Variants in KCND3 observed in about 807,000 individuals in gnomAD.
KCND3 encodes the protein potassium voltage-gated channel subfamily D member 3, also known as A-type voltage-gated potassium channel KCND3.
In KCND3, 9 loss-of-function variants were observed where a neutral mutation model predicts 51.1. The ratio of observed to expected loss-of-function variants is 0.18; its 90% CI spans 0.11 to 0.31. The LOEUF (loss-of-function observed/expected upper bound fraction) is 0.31. Ranked by LOEUF, KCND3 falls within the 10% of genes least tolerant of loss-of-function variation. KCND3 has a pLI of 1.00. For missense variants in KCND3, 526 were observed against 903.8 expected (o/e 0.58, Z 5.36); for synonymous variants, 349 against 368.0 (o/e 0.95, Z 0.59).
chr1:111,985,463 C>T (rs1675222603), intron 1 of KCND3, among the ~76,000 whole-genome samples: 1 of 152,188 alleles, frequency 6.6e-6, no homozygotes, highest in Non-Finnish European at 1.5e-5. Flanking sequence ...TAAGCTCTTT[C>T]GGGCAAAGGC....
chr1:111,923,778 G>A (rs762605600), intron 2 of KCND3, among the ~76,000 whole-genome samples: 3 of 152,176 alleles, frequency 2.0e-5, no homozygotes, highest in Non-Finnish European at 4.4e-5. Context: ...CAGGGGCTTC[G>A]TGCACAGGGT....
At chr1:111,863,354 G>A (rs1668417836) in intron 2 of KCND3, among the ~76,000 whole-genome samples, 2 of 151,250 alleles carry the variant, frequency 1.3e-5, no homozygotes, top group Non-Finnish European at 2.9e-5. Context: ...AACAGCTTAT[G>A]TTCTCGATGA....
intron 3 of KCND3, among the ~76,000 whole-genome samples, chr1:111,783,199 CAAAAAAAA>C (rs67241053): frequency 1.4e-5 from 1 of 72,338 alleles, no homozygotes; most frequent in African/African-American, 4.4e-5. Flanking sequence ...AATTCAAAGA[CAAAAAAAA>C]AAAAAAAAAA....
Position 111,928,607 on chromosome 1 carries a change from C to T in KCND3, c.1106+53014G>A, listed in dbSNP as rs540983631. ...TTAAGATGAACTTTCACTCTCTGGG[C>T]ACAACACACAAGCAGGGAGCCCCAA... On this transcript the variant is annotated intron_variant, in intron 2 of 7. Coordinates refer to ENST00000302127, the MANE Select transcript of KCND3 (RefSeq NM_001378969.1). Among the ~76,000 whole-genome samples, 13 of 152,298 alleles carry T rather than the reference C, an allele frequency of 8.5e-5. No individual in the cohort carries two copies. In the South Asian group the frequency reaches 1.9e-3, roughly 22 times the overall value.
intron 2 of KCND3, among the ~76,000 whole-genome samples, chr1:111,800,553 A>T (rs1312521857): frequency 1.3e-3 from 95 of 73,338 alleles, no homozygotes; most frequent in South Asian, 5.4e-3. Flanking sequence ...AAATAAATTT[A>T]AAAAAAAAAA....
At chr1:111,936,070 T>C (rs1672203874) in intron 2 of KCND3, among the ~76,000 whole-genome samples, 1 of 152,230 alleles carries the variant, frequency 6.6e-6, no homozygotes. Flanking sequence ...GTAGTTTCCA[T>C]GAATTTGCTG....
intron 2 of KCND3, among the ~76,000 whole-genome samples, chr1:111,978,909 C>T (rs1227896982): frequency 6.6e-6 from 1 of 152,180 alleles, no homozygotes; most frequent in African/African-American, 2.4e-5. Flanking sequence ...GTAATGGTGT[C>T]AACTGCCAAC....
intron 3 of KCND3, among the ~76,000 whole-genome samples, chr1:111,783,350 C>G (rs1664471026): frequency 2.0e-5 from 3 of 152,134 alleles, no homozygotes; most frequent in African/African-American, 7.2e-5. Context: ...GAATTTCCAC[C>G]ATCAGACAAG....
At chr1:111,966,485 C>G (rs1673994356) in intron 2 of KCND3, among the ~76,000 whole-genome samples, 4 of 152,108 alleles carry the variant, frequency 2.6e-5, no homozygotes. Flanking sequence ...ACCCCCATAA[C>G]CCACCCATTC....
chr1:111,792,770 T>C (rs1486912212), intron 2 of KCND3, among the ~76,000 whole-genome samples: 2 of 152,054 alleles, frequency 1.3e-5, no homozygotes, highest in African/African-American at 4.8e-5. Flanking sequence ...AAGAGCTTTA[T>C]TTATAAGTGT....
chr1:111,875,686 C>T (rs1029708419), intron 2 of KCND3, among the ~76,000 whole-genome samples: 1 of 152,222 alleles, frequency 6.6e-6, no homozygotes, highest in African/African-American at 2.4e-5. Flanking sequence ...CCTCTCTTAG[C>T]TTCTCCTCCC....
At chr1:111,877,919 C>T (rs1013409805) in intron 2 of KCND3, among the ~76,000 whole-genome samples, 1 of 152,188 alleles carries the variant, frequency 6.6e-6, no homozygotes, top group Non-Finnish European at 1.5e-5. Flanking sequence ...TAATGGCCAA[C>T]ATTTACCGGG....
chr1:111,944,626 C>G (rs1335404073), intron 2 of KCND3, among the ~76,000 whole-genome samples: 1 of 152,256 alleles, frequency 6.6e-6, no homozygotes, highest in Non-Finnish European at 1.5e-5. Flanking sequence ...GCATGCTGCC[C>G]TGTAATGGAT....
intron 2 of KCND3, among the ~76,000 whole-genome samples, chr1:111,809,337 C>G (rs1338520149): frequency 6.6e-6 from 1 of 150,746 alleles, no homozygotes; most frequent in African/African-American, 2.5e-5. Flanking sequence ...GAGACAGAGT[C>G]TCGCTCTGTC....
At chr1:111,919,304 C>A (rs1468150912) in intron 2 of KCND3, among the ~76,000 whole-genome samples, 1 of 151,266 alleles carries the variant, frequency 6.6e-6, no homozygotes, top group Non-Finnish European at 1.5e-5. Flanking sequence ...GGTAATGGGA[C>A]CAAAGGGAGG....
intron 2 of KCND3, among the ~76,000 whole-genome samples, chr1:111,929,751 G>A (rs907695592): frequency 6.6e-6 from 1 of 152,114 alleles, no homozygotes; most frequent in Non-Finnish European, 1.5e-5. Flanking sequence ...GAGTGGACAG[G>A]AACACCCTTT....
intron 2 of KCND3, among the ~76,000 whole-genome samples, chr1:111,948,992 G>A (rs138511893): frequency 1.3e-5 from 2 of 152,318 alleles, no homozygotes; most frequent in African/African-American, 4.8e-5. Context: ...GCATGGGCAG[G>A]AAACCACAAC....
chr1:111,873,063 C>T (rs545147806), intron 2 of KCND3, among the ~76,000 whole-genome samples: 28 of 152,340 alleles, frequency 1.8e-4, no homozygotes, highest in African/African-American at 6.0e-4. Flanking sequence ...TCAGTTTCCC[C>T]AGTGGCATCT....
At chr1:111,970,332 G>T (rs764838914) in intron 2 of KCND3, among the ~76,000 whole-genome samples, 1 of 152,104 alleles carries the variant, frequency 6.6e-6, no homozygotes, top group East Asian at 1.9e-4. Context: ...TTACTAAAAG[G>T]TCTACTTCAG....
Sources: gnomAD v4.1 joint callset for allele counts (sites outside exome capture counted in the v4.1 genomes callset) on GRCh38, gnomAD v4.1.1 for gene constraint, MANE v1.5 for transcripts, NCBI Gene and HGNC (gene_info 2026-07-23, HGNC 2026-07-21) for gene names.